KCNH7: variants seen among roughly 807,000 people sequenced by gnomAD.
KCNH7 encodes potassium voltage-gated channel subfamily H member 7.
A neutral mutation model predicts 120.8 loss-of-function variants in KCNH7; 49 were observed. The observed-to-expected ratio is 0.41, with a 90% CI of 0.32 to 0.51. The LOEUF (loss-of-function observed/expected upper bound fraction) is 0.51, where lower values mean the gene tolerates loss of function less well. Ranked by LOEUF, KCNH7 falls within the 20% of genes least tolerant of loss-of-function variation. The probability of loss-of-function intolerance (pLI) is 0.38; values close to 1 mark genes in which losing one functional copy is unlikely to be tolerated. For synonymous variants in KCNH7, 547 were observed against 516.1 expected (o/e 1.06, Z -0.81); for missense variants, 1,097 against 1,446.6 (o/e 0.76, Z 3.92).
chr2:162,810,472 C>T (rs1184158187), intron 2 of KCNH7, among the ~76,000 whole-genome samples: 1 of 152,026 alleles, frequency 6.6e-6, no homozygotes, highest in African/African-American at 2.4e-5. Context: ...TAATAGAAAC[C>T]AAATGAAATA....
At chr2:162,750,518 G>T (rs901997594) in intron 2 of KCNH7, among the ~76,000 whole-genome samples, 2 of 152,030 alleles carry the variant, frequency 1.3e-5, no homozygotes, top group African/African-American at 4.8e-5. Context: ...AACCCATAAA[G>T]TGTGTGCAAA....
chr2:162,512,941 T>C (rs567546889), intron 4 of KCNH7, among the ~76,000 whole-genome samples: 3 of 151,952 alleles, frequency 2.0e-5, no homozygotes, highest in Non-Finnish European at 4.4e-5. Context: ...GATTTTATAA[T>C]TATGACAGTT....
At chr2:162,429,381 G>GTTTTTTTTTTTT (rs1158431426) in intron 8 of KCNH7, among the ~76,000 whole-genome samples, 7 of 43,418 alleles carry the variant, frequency 1.6e-4, no homozygotes, top group African/African-American at 1.0e-3. Flanking sequence ...TGAGGAAAAA[G>GTTTTTTTTTTTT]TCTTTTTTTT....
At chr2:162,686,542 T>C (rs982008614) in intron 2 of KCNH7, among the ~76,000 whole-genome samples, 5 of 140,024 alleles carry the variant, frequency 3.6e-5, no homozygotes, top group Admixed American at 3.4e-4. Context: ...ATGTGGATCA[T>C]GTTTTACAAA....
intron 7 of KCNH7, among the ~76,000 whole-genome samples, chr2:162,436,992 G>C (rs558892405): frequency 5.9e-5 from 9 of 151,968 alleles, no homozygotes; most frequent in Non-Finnish European, 1.2e-4. Context: ...TATGGTGGTG[G>C]ATGCCTGTAG....
At chr2:162,551,382 GT>G (rs1316018802) in intron 2 of KCNH7, among the ~76,000 whole-genome samples, 1 of 151,996 alleles carries the variant, frequency 6.6e-6, no homozygotes, top group Non-Finnish European at 1.5e-5. Flanking sequence ...GTAATTTAGG[GT>G]TTTTTCTTTT....
At chr2:162,676,673 T>C (rs1024282160) in intron 2 of KCNH7, among the ~76,000 whole-genome samples, 3 of 151,480 alleles carry the variant, frequency 2.0e-5, no homozygotes, top group Non-Finnish European at 4.4e-5. Context: ...TTTAAAGAAA[T>C]TCAAAACTAA....
intron 2 of KCNH7, among the ~76,000 whole-genome samples, chr2:162,715,065 T>C (rs1220704908): frequency 6.6e-6 from 1 of 152,176 alleles, no homozygotes; most frequent in East Asian, 1.9e-4. Flanking sequence ...ATTTCATCCT[T>C]ACAGCAATGT....
chr2:162,757,281 T>C (rs776297215), intron 2 of KCNH7, among the ~76,000 whole-genome samples: 6 of 152,120 alleles, frequency 3.9e-5, no homozygotes, highest in Non-Finnish European at 7.4e-5. Flanking sequence ...TTAGGCATGA[T>C]TGAAATAGTA....
intron 6 of KCNH7, among the ~76,000 whole-genome samples, chr2:162,463,783 A>C (rs1283978594): frequency 6.8e-6 from 1 of 148,100 alleles, no homozygotes; most frequent in Non-Finnish European, 1.5e-5. Flanking sequence ...ATGTTCAAAT[A>C]ATAAAAAAAA....
chr2:162,547,946 T>C (rs1318064602), intron 2 of KCNH7, among the ~76,000 whole-genome samples: 1 of 152,122 alleles, frequency 6.6e-6, no homozygotes, highest in Non-Finnish European at 1.5e-5. Context: ...AAGATTAGGC[T>C]CTTTAGGTAT....
At chr2:162,695,437 C>G (rs1559086020) in intron 2 of KCNH7, among the ~76,000 whole-genome samples, 1 of 152,064 alleles carries the variant, frequency 6.6e-6, no homozygotes, top group Non-Finnish European at 1.5e-5. Context: ...ACATTTGCAA[C>G]AAAGCTGGGT....
At chr2:162,515,420 C>T (rs1691249013) in intron 4 of KCNH7, among the ~76,000 whole-genome samples, 1 of 151,730 alleles carries the variant, frequency 6.6e-6, no homozygotes, top group Admixed American at 6.6e-5. Flanking sequence ...GCACCACTGT[C>T]CAAACACAGG....
At chr2:162,795,276 A>C (rs959951297) in intron 2 of KCNH7, 1 of 152,062 alleles carries the variant, frequency 6.6e-6, no homozygotes, top group Non-Finnish European at 1.5e-5. Context: ...ATTGTTGAAG[A>C]CTTTATACTT....
chr2:162,413,029 G>T (rs556210802), intron 9 of KCNH7, among the ~76,000 whole-genome samples: 2 of 152,170 alleles, frequency 1.3e-5, no homozygotes, highest in African/African-American at 2.4e-5. Context: ...AAGAATAAAG[G>T]TTCTTAAATA....
At chr2:162,383,213 T>C (rs1672653915) in intron 13 of KCNH7, among the ~76,000 whole-genome samples, 1 of 151,976 alleles carries the variant, frequency 6.6e-6, no homozygotes, top group Non-Finnish European at 1.5e-5. Flanking sequence ...GTTCACATTA[T>C]GTTGACCTTT....
chr2:162,376,653 C>T (rs866033664), intron 14 of KCNH7, among the ~76,000 whole-genome samples: 7 of 152,018 alleles, frequency 4.6e-5, no homozygotes, highest in African/African-American at 1.2e-4. Flanking sequence ...TGAGCCACCG[C>T]GCCTGGCCAA....
intron 5 of KCNH7, 91 bp downstream of exon 5, chr2:162,512,563 G>T: frequency 9.1e-7 from 1 of 1,099,810 alleles, no homozygotes; most frequent in Non-Finnish European, 1.4e-6. Context: ...TGAAGATGTT[G>T]CACTGAACAG....
intron 3 of KCNH7, among the ~76,000 whole-genome samples, chr2:162,522,658 C>G (rs1211392010): frequency 6.6e-6 from 1 of 151,756 alleles, no homozygotes; most frequent in Non-Finnish European, 1.5e-5. Flanking sequence ...AAAATAGATA[C>G]TATTTAACCT....
Sources: allele counts gnomAD v4.1 joint callset (sites outside exome capture counted in the v4.1 genomes callset), GRCh38; gene constraint gnomAD v4.1.1; transcripts MANE v1.5; gene names NCBI Gene and HGNC (gene_info 2026-07-23, HGNC 2026-07-21).